GSE1: variants seen among roughly 807,000 people sequenced by gnomAD.
The protein encoded by GSE1 is Gse1 coiled-coil protein, also known as genetic suppressor element 1.
GSE1 carries 32 observed loss-of-function variants against 112.6 expected under a neutral mutation model. The ratio of observed to expected loss-of-function variants is 0.28; its 90% CI spans 0.21 to 0.38. The LOEUF (loss-of-function observed/expected upper bound fraction) is 0.38. Ranked by LOEUF, GSE1 falls within the 10% of genes least tolerant of loss-of-function variation. The pLI is 1.00. For missense variants in GSE1, 2,348 were observed against 1,699.2 expected, an observed-to-expected ratio of 1.38 and a Z score of -6.71; for synonymous variants, 1,115 against 735.6, an observed-to-expected ratio of 1.52 and a Z score of -8.35.
At chr16:85,307,835 G>A (rs972225175) in intron 1 of GSE1, among the ~76,000 whole-genome samples, 2 of 152,188 alleles carry the variant, frequency 1.3e-5, no homozygotes, top group African/African-American at 2.4e-5. Context: ...ACTCTCATCA[G>A]GCGGGACTCT....
intron 2 of GSE1, among the ~76,000 whole-genome samples, chr16:85,482,882 G>A (rs555241506): frequency 3.0e-3 from 457 of 152,078 alleles, no homozygotes; most frequent in Middle Eastern, 0.014. Context: ...GGAGGCTGAG[G>A]CAGGAGAATC....
At chr16:85,289,473 T>C (rs1447311645) in intron 1 of GSE1, among the ~76,000 whole-genome samples, 1 of 152,184 alleles carries the variant, frequency 6.6e-6, no homozygotes, top group Non-Finnish European at 1.5e-5. Flanking sequence ...AACCAATGTG[T>C]GTGAACCCTC....
Position 85,663,018 on chromosome 16 carries a change from C to G in GSE1, c.2298C>G (p.Ser766Arg), listed in dbSNP as rs143295492. The G allele has an allele frequency of 2.5e-6, 4 of 1,612,688 alleles. No individual in the cohort carries two copies. In the East Asian group the frequency reaches 8.9e-5, roughly 36 times the overall value. The change falls in exon 10 of 16, where the codon AGC (serine) becomes AGG (arginine). Residue 766 changes from serine to arginine, a missense_variant. By Grantham distance (110) the Ser-to-Arg change is moderately radical (BLOSUM62 -1). Coordinates refer to ENST00000253458, the MANE Select transcript of GSE1 (RefSeq NM_014615.5). ...ACCTCGATGACTCTTACGACGAGAG[C>G]GATGAGGAGGAGGTCAGGGCCCACC... ...YYDLDDSYDE[S>R]DEEEVRAHLR...
chr16:85,473,503 C>T (rs780343730), intron 2 of GSE1, among the ~76,000 whole-genome samples: 77 of 152,272 alleles, frequency 5.1e-4, no homozygotes, highest in East Asian at 3.9e-4. Context: ...TCCAGGGCTC[C>T]GAGAGAAGAC....
upstream of GSE1, among the ~76,000 whole-genome samples, chr16:85,608,972 T>C (rs2047840347): frequency 6.6e-6 from 1 of 152,220 alleles, no homozygotes; most frequent in Non-Finnish European, 1.5e-5. Flanking sequence ...TGCTGAGCCC[T>C]AGAAGAAGCA....
At chr16:85,493,124 C>T (rs2051062704) in intron 2 of GSE1, among the ~76,000 whole-genome samples, 1 of 152,182 alleles carries the variant, frequency 6.6e-6, no homozygotes, top group Non-Finnish European at 1.5e-5. Flanking sequence ...CCTGTGTTCT[C>T]CAGGGAGGGG....
intron 1 of GSE1, among the ~76,000 whole-genome samples, chr16:85,581,629 T>C (rs952533196): frequency 6.6e-6 from 1 of 152,114 alleles, no homozygotes; most frequent in African/African-American, 2.4e-5. Context: ...CGCATGTGCA[T>C]ATGTGTGCAG....
intron 1 of GSE1, among the ~76,000 whole-genome samples, chr16:85,600,829 A>G (rs1049076644): frequency 2.0e-4 from 31 of 152,028 alleles, no homozygotes; most frequent in African/African-American, 7.5e-4. Flanking sequence ...GGCTGGGTTT[A>G]TTTTGGGGAC....
chr16:85,371,988 C>T (rs914183719), intron 2 of GSE1, among the ~76,000 whole-genome samples: 2 of 152,164 alleles, frequency 1.3e-5, no homozygotes, highest in Non-Finnish European at 2.9e-5. Context: ...AGAGGGGCTC[C>T]GCCTCTGCAG....
At chr16:85,293,619 G>A (rs562603270) in intron 1 of GSE1, among the ~76,000 whole-genome samples, 4 of 152,262 alleles carry the variant, frequency 2.6e-5, no homozygotes, top group Admixed American at 2.0e-4. Flanking sequence ...CTGGAGATCC[G>A]AAGTCCGGAA....
At chr16:85,374,347 G>A (rs1483399254) in intron 2 of GSE1, among the ~76,000 whole-genome samples, 10 of 150,266 alleles carry the variant, frequency 6.7e-5, no homozygotes, top group African/African-American at 9.8e-5. Flanking sequence ...GTGTGGTCGC[G>A]CGTGGCCCTC....
intron 2 of GSE1, among the ~76,000 whole-genome samples, chr16:85,422,476 T>C (rs548365234): frequency 5.0e-4 from 70 of 141,316 alleles, no homozygotes; most frequent in African/African-American, 1.8e-3. Context: ...CAGTGTGGGG[T>C]GGGGCTGAGC....
chr16:85,212,507 C>T (rs79045209), intron 1 of GSE1, among the ~76,000 whole-genome samples: 1 of 152,272 alleles, frequency 6.6e-6, no homozygotes, highest in African/African-American at 2.4e-5. Context: ...GATCAGGACA[C>T]AGATATTGCA....
At chr16:85,292,712 G>A (rs139908891) in intron 1 of GSE1, among the ~76,000 whole-genome samples, 2,003 of 152,184 alleles carry the variant, frequency 0.013, 52 homozygotes, top group African/African-American at 0.046. Context: ...CACCTGCCTC[G>A]ACCTCCCAAA....
At chr16:85,170,562 G>C (rs1396342712) in exon 1 of GSE1, 3 of 985,652 alleles carry the variant, frequency 3.0e-6, no homozygotes, top group Non-Finnish European at 3.6e-6. Flanking sequence ...ACCCCAAAGA[G>C]AAGAACAGTG....
At chr16:85,634,570 AAC>A (rs1245991355) in intron 2 of GSE1, among the ~76,000 whole-genome samples, 1 of 152,120 alleles carries the variant, frequency 6.6e-6, no homozygotes, top group Non-Finnish European at 1.5e-5. Flanking sequence ...TGTCCCTGGA[AAC>A]ACAGTGGTCT....
chr16:85,305,615 G>T (rs2045657436), intron 1 of GSE1, among the ~76,000 whole-genome samples: 1 of 152,028 alleles, frequency 6.6e-6, no homozygotes, highest in Non-Finnish European at 1.5e-5. Flanking sequence ...CGAGTAGCTG[G>T]GTAATTACAG....
chr16:85,371,889 G>A (rs1354096289), intron 2 of GSE1, among the ~76,000 whole-genome samples: 3 of 152,204 alleles, frequency 2.0e-5, no homozygotes, highest in Non-Finnish European at 2.9e-5. Context: ...TACTGCTTCT[G>A]GAAGTGGGAG....
intron 2 of GSE1, among the ~76,000 whole-genome samples, chr16:85,426,507 T>C (rs1288836379): frequency 9.0e-6 from 1 of 110,796 alleles, no homozygotes; most frequent in Admixed American, 9.5e-5. Context: ...GATGGATGGA[T>C]GGAAGAGTGG....
Sources: allele counts gnomAD v4.1 joint callset (sites outside exome capture counted in the v4.1 genomes callset), GRCh38; gene constraint gnomAD v4.1.1; transcripts MANE v1.5; gene names NCBI Gene and HGNC (gene_info 2026-07-23, HGNC 2026-07-21).